The following CNTN1 variants were observed in gnomAD, a reference collection of about 807,000 sequenced individuals.
The protein encoded by CNTN1 is contactin-1.
A neutral mutation model predicts 126.4 loss-of-function variants in CNTN1; 38 were observed. The ratio of observed to expected loss-of-function variants is 0.30; its 90% CI spans 0.23 to 0.39. The LOEUF is 0.39. CNTN1 is among the 10% of genes least tolerant of loss of function. CNTN1 has a pLI of 1.00. For synonymous variants in CNTN1, 413 were observed against 422.6 expected (o/e 0.98, Z 0.28); for missense variants, 1,009 against 1,248.4 (o/e 0.81, Z 2.89).
At chr12:40,991,407 T>C (rs570801696) in intron 16 of CNTN1, among the ~76,000 whole-genome samples, 1 of 152,022 alleles carries the variant, frequency 6.6e-6, no homozygotes, top group East Asian at 1.9e-4. Context: ...TTTTTTTCCA[T>C]ATAAGATAAC....
intron 14 of CNTN1, among the ~76,000 whole-genome samples, chr12:40,952,627 C>T (rs1946730809): frequency 1.3e-5 from 2 of 151,920 alleles, no homozygotes; most frequent in South Asian, 4.1e-4. Flanking sequence ...AAAAATAGTA[C>T]GTATCTCATA....
At chr12:41,013,764 A>G (rs927152755) in intron 17 of CNTN1, among the ~76,000 whole-genome samples, 2 of 152,172 alleles carry the variant, frequency 1.3e-5, no homozygotes, top group African/African-American at 4.8e-5. Flanking sequence ...TGGGGAATTG[A>G]AAGTGAGAGC....
At chr12:40,980,341 G>A (rs778612281) in intron 15 of CNTN1, among the ~76,000 whole-genome samples, 7 of 151,838 alleles carry the variant, frequency 4.6e-5, no homozygotes, top group Middle Eastern at 3.2e-3. Flanking sequence ...CTACTTGGGC[G>A]GCTGAGCTGG....
chr12:40,750,459 T>C (rs555875906), intron 1 of CNTN1, among the ~76,000 whole-genome samples: 1 of 152,072 alleles, frequency 6.6e-6, no homozygotes, highest in African/African-American at 2.4e-5. Context: ...GTGGTGCTGG[T>C]GATATTTGAA....
At chr12:40,912,613 A>T (rs976451957) in intron 3 of CNTN1, among the ~76,000 whole-genome samples, 7 of 152,122 alleles carry the variant, frequency 4.6e-5, no homozygotes, top group African/African-American at 1.7e-4. Flanking sequence ...ATATGACTGT[A>T]TAATATCCAA....
At chr12:40,781,705 A>G (rs1206296476) in intron 1 of CNTN1, among the ~76,000 whole-genome samples, 2 of 152,042 alleles carry the variant, frequency 1.3e-5, no homozygotes, top group African/African-American at 4.8e-5. Context: ...ACCCAAAAGC[A>G]ACATGATCAA....
chr12:40,836,189 A>G (rs576285491), intron 1 of CNTN1, among the ~76,000 whole-genome samples: 1 of 144,654 alleles, frequency 6.9e-6, no homozygotes, highest in African/African-American at 2.7e-5. Flanking sequence ...TATATATAGT[A>G]TATATGTATA....
chr12:40,922,832 G>A (rs1314954752), intron 5 of CNTN1, among the ~76,000 whole-genome samples: 1 of 151,894 alleles, frequency 6.6e-6, no homozygotes, highest in Non-Finnish European at 1.5e-5. Context: ...TTAGCTGGGC[G>A]TTGTGGTGCA....
chr12:40,955,801 C>T (rs1019786259), intron 14 of CNTN1, among the ~76,000 whole-genome samples: 4 of 152,020 alleles, frequency 2.6e-5, no homozygotes, highest in African/African-American at 9.7e-5. Flanking sequence ...ATAACTAATC[C>T]AGCCTTACAA....
chr12:40,804,944 T>C (rs978017780), intron 1 of CNTN1, among the ~76,000 whole-genome samples: 1 of 152,072 alleles, frequency 6.6e-6, no homozygotes, highest in Non-Finnish European at 1.5e-5. Context: ...TTGTCTTTAT[T>C]GTTACTGTCG....
chr12:40,808,180 A>G (rs562739250), intron 1 of CNTN1, among the ~76,000 whole-genome samples: 64 of 152,304 alleles, frequency 4.2e-4, no homozygotes, highest in African/African-American at 1.5e-3. Context: ...CATTAGTTAA[A>G]ATTTTGAGTT....
intron 1 of CNTN1, among the ~76,000 whole-genome samples, chr12:40,854,600 G>C (rs1024704582): frequency 3.9e-5 from 6 of 152,100 alleles, no homozygotes; most frequent in African/African-American, 7.2e-5. Flanking sequence ...TTTAAAATAT[G>C]AGGATTTAAG....
chr12:40,872,208 TTGTTTGTG>T (rs771725259), intron 1 of CNTN1, among the ~76,000 whole-genome samples: 16,567 of 124,032 alleles, frequency 0.13, 1,092 homozygotes, highest in Middle Eastern at 0.22. Flanking sequence ...TTCCGTTGCT[TTGTTTGTG>T]TGTGTGTGTG....
At chr12:40,950,821 T>G (rs1946646058) in intron 14 of CNTN1, among the ~76,000 whole-genome samples, 1 of 152,140 alleles carries the variant, frequency 6.6e-6, no homozygotes, top group Non-Finnish European at 1.5e-5. Context: ...ACACTTCCCA[T>G]GTATAGACCA....
chr12:40,909,293 A>G (rs893016835), intron 2 of CNTN1, among the ~76,000 whole-genome samples: 2 of 152,088 alleles, frequency 1.3e-5, no homozygotes, highest in Admixed American at 1.3e-4. Flanking sequence ...GAAGCACATC[A>G]TATCTTTATC....
intron 1 of CNTN1, among the ~76,000 whole-genome samples, chr12:40,715,099 G>A (rs909903975): frequency 4.6e-5 from 7 of 152,152 alleles, no homozygotes; most frequent in African/African-American, 1.7e-4. Context: ...TTTCCTCTAA[G>A]CCCATGATTG....
At chr12:40,758,543 C>G (rs1194338429) in intron 1 of CNTN1, among the ~76,000 whole-genome samples, 1 of 152,044 alleles carries the variant, frequency 6.6e-6, no homozygotes, top group African/African-American at 2.4e-5. Flanking sequence ...TTTATGGACA[C>G]TCCACATTGT....
intron 1 of CNTN1, among the ~76,000 whole-genome samples, chr12:40,794,002 C>T (rs1246258137): frequency 2.0e-5 from 3 of 151,932 alleles, no homozygotes; most frequent in Non-Finnish European, 4.4e-5. Context: ...GGTCATTTCT[C>T]TTATACATAC....
chr12:40,700,290 G>A (rs140179226), intron 1 of CNTN1, among the ~76,000 whole-genome samples: 3,669 of 152,206 alleles, frequency 0.024, 152 homozygotes, highest in East Asian at 0.15. Flanking sequence ...CACTTTGGGA[G>A]GACGAGGCGG....
Sources: gnomAD v4.1 joint callset for allele counts (sites outside exome capture counted in the v4.1 genomes callset) on GRCh38, gnomAD v4.1.1 for gene constraint, MANE v1.5 for transcripts, NCBI Gene and HGNC (gene_info 2026-07-23, HGNC 2026-07-21) for gene names.